MALT1: variants seen among roughly 807,000 people sequenced by gnomAD.
MALT1 encodes mucosa-associated lymphoid tissue lymphoma translocation protein 1.
In MALT1, 36 loss-of-function variants were observed where a neutral mutation model predicts 85.5. The ratio of observed to expected loss-of-function variants is 0.42; its 90% CI spans 0.32 to 0.56. MALT1 has a LOEUF of 0.56. Among genes scored for constraint, MALT1 ranks in the 20% least tolerant of loss-of-function variants. The probability of loss-of-function intolerance (pLI) is 0.10; values close to 1 mark genes in which losing one functional copy is unlikely to be tolerated. For synonymous variants in MALT1, 359 were observed against 361.3 expected (o/e 0.99, Z 0.07); for missense variants, 716 against 981.6 (o/e 0.73, Z 3.62).
chr18:58,726,648 A>G (rs1331735698), intron 10 of MALT1, among the ~76,000 whole-genome samples: 1 of 152,272 alleles, frequency 6.6e-6, no homozygotes, highest in East Asian at 1.9e-4. Flanking sequence ...AAAACCAGAA[A>G]TAACTGTCCT....
intron 10 of MALT1, among the ~76,000 whole-genome samples, chr18:58,726,934 C>G (rs2055063481): frequency 2.6e-5 from 4 of 152,212 alleles, no homozygotes. Context: ...CTTAGCATAG[C>G]TAGCCTGGGT....
At chr18:58,679,314 G>T (rs1237302360) in intron 1 of MALT1, among the ~76,000 whole-genome samples, 1 of 152,244 alleles carries the variant, frequency 6.6e-6, no homozygotes, top group Non-Finnish European at 1.5e-5. Context: ...TAAAGGAAGG[G>T]TTAGCAAACT....
At chr18:58,728,727 C>T (rs1327723731) in intron 10 of MALT1, among the ~76,000 whole-genome samples, 1 of 152,178 alleles carries the variant, frequency 6.6e-6, no homozygotes, top group Non-Finnish European at 1.5e-5. Flanking sequence ...TTACACTTTT[C>T]GTAAGACATT....
At chr18:58,726,010 A>C (rs977334493) in intron 10 of MALT1, among the ~76,000 whole-genome samples, 2 of 152,138 alleles carry the variant, frequency 1.3e-5, no homozygotes, top group Non-Finnish European at 2.9e-5. Context: ...GCAGTGAGCC[A>C]AGATCATGCC....
At chr18:58,746,056 C>T (rs1322085205) in intron 16 of MALT1, among the ~76,000 whole-genome samples, 3 of 152,114 alleles carry the variant, frequency 2.0e-5, no homozygotes, top group African/African-American at 7.2e-5. Flanking sequence ...TTAACTCTGT[C>T]ACCCAGGCTG....
intron 9 of MALT1, 106 bp downstream of exon 9, chr18:58,716,073 T>G (rs1471213330): frequency 1.8e-5 from 14 of 787,624 alleles, no homozygotes; most frequent in South Asian, 5.1e-5. Flanking sequence ...GTGAATAACA[T>G]TGGGACCAAA....
At chr18:58,691,798 G>A (rs1031798723) in intron 2 of MALT1, among the ~76,000 whole-genome samples, 39 of 152,030 alleles carry the variant, frequency 2.6e-4, no homozygotes, top group African/African-American at 8.9e-4. Flanking sequence ...GCATGAACCC[G>A]GGAGGCGGAG....
chr18:58,681,031 A>G (rs2054314944), intron 1 of MALT1, 139 bp from the exon 2 acceptor site: 3 of 572,456 alleles, frequency 5.2e-6, no homozygotes, highest in South Asian at 6.1e-5. Context: ...GGATACTCGC[A>G]TTCATTATGT....
At position 58,729,639 on chromosome 18, in the gene MALT1, T is replaced by C. The variant is rs1178586641; in HGVS notation, c.1223-3758T>C. Among the ~76,000 whole-genome samples the C allele has an allele frequency of 3.3e-5, 5 of 152,194 alleles. No homozygotes were observed. The East Asian group carries it at 9.7e-4, about 29-fold the overall frequency. ...CTCATCTATAAAATAAGGGCAGAAA[T>C]CACTTAAAGTTGTTATATGGATTAA... On this transcript the variant is annotated intron_variant, in intron 10 of 16. Coordinates refer to ENST00000649217, the MANE Select transcript of MALT1 (RefSeq NM_006785.4).
chr18:58,711,592 A>G (rs1406985190), intron 7 of MALT1, among the ~76,000 whole-genome samples: 1 of 152,190 alleles, frequency 6.6e-6, no homozygotes, highest in Non-Finnish European at 1.5e-5. Flanking sequence ...TTGTACTTAA[A>G]TTGTAATGAG....
chr18:58,684,357 A>C (rs1013187866), intron 2 of MALT1, among the ~76,000 whole-genome samples: 2 of 152,034 alleles, frequency 1.3e-5, no homozygotes, highest in Non-Finnish European at 2.9e-5. Context: ...TTGAGATCTA[A>C]TAAAGCTCAG....
chr18:58,686,912 A>G (rs1456781336), intron 2 of MALT1, among the ~76,000 whole-genome samples: 1 of 152,236 alleles, frequency 6.6e-6, no homozygotes, highest in African/African-American at 2.4e-5. Context: ...TGAGATTTCC[A>G]AAAGTGATCA....
chr18:58,712,588 A>T (rs2054845440), intron 7 of MALT1, among the ~76,000 whole-genome samples: 1 of 152,148 alleles, frequency 6.6e-6, no homozygotes, highest in African/African-American at 2.4e-5. Context: ...ACAGACCTGC[A>T]GTTAGAAGGA....
Position 58,719,503 on chromosome 18 carries a change from G to A in MALT1, c.1018+3536G>A, listed in dbSNP as rs113459957. Among the ~76,000 whole-genome samples the A allele has an allele frequency of 7.2e-3, 1,092 of 151,968 alleles. 15 individuals are homozygous for A. The highest frequency in any genetic ancestry group is 0.025 in the African/African-American group (1,037 of 41,408). Reference sequence around the variant, plus strand: ...TCCATGTAGCTGTTTTCTTTATGTCGGGCTGGATCTCCAAAGTGGAAACTG... The same window carrying A: ...TCCATGTAGCTGTTTTCTTTATGTCAGGCTGGATCTCCAAAGTGGAAACTG... On this transcript the variant is annotated intron_variant, in intron 9 of 16. Transcript: ENST00000649217.
intron 10 of MALT1, among the ~76,000 whole-genome samples, chr18:58,727,297 T>C (rs2055069699): frequency 6.6e-6 from 1 of 151,426 alleles, no homozygotes; most frequent in Admixed American, 6.6e-5. Context: ...TGGTTTTGGG[T>C]TTTTGTTTGT....
intron 2 of MALT1, among the ~76,000 whole-genome samples, chr18:58,692,873 G>A (rs1316220762): frequency 6.6e-6 from 1 of 152,172 alleles, no homozygotes; most frequent in East Asian, 1.9e-4. Context: ...CAGCCTTATT[G>A]CTGAGATGGA....
intron 14 of MALT1, among the ~76,000 whole-genome samples, chr18:58,743,985 A>G (rs893707208): frequency 6.6e-6 from 1 of 151,820 alleles, no homozygotes; most frequent in Non-Finnish European, 1.5e-5. Context: ...GAGTTAACAG[A>G]ATGGTTAAAG....
rs2054162134 is a variant in MALT1, at chr18:58,671,659, G to A, written c.16G>A (p.Asp6Asn). The change falls in exon 1 of 17, where the codon GAC becomes AAC. Residue 6 changes from aspartate to asparagine, a missense_variant. By Grantham distance (23) the Asp-to-Asn change is conservative (BLOSUM62 1). Transcript: ENST00000649217. MSLLG[D>N]PLQALPPSAA... ...GGCGAGGGCCATGTCGCTGTTGGGGGACCCGCTACAGGCCCTGCCGCCCTC... is the reference window on the plus strand; with the variant it reads ...GGCGAGGGCCATGTCGCTGTTGGGGAACCCGCTACAGGCCCTGCCGCCCTC... 3 of 1,220,082 alleles carry A rather than the reference G, an allele frequency of 2.5e-6. No individual in the cohort carries two copies. The highest frequency in any genetic ancestry group is 3.1e-6 in the Non-Finnish European group (3 of 980,524). The allele number at this position is 1,220,082 out of a possible 1,614,324, so 75.6% of individuals were successfully genotyped here. A position where few individuals can be genotyped will look rare whatever the true frequency, so the allele number is the denominator to read the frequency against.
chr18:58,687,397 A>AC, intron 2 of MALT1, among the ~76,000 whole-genome samples: 1 of 152,334 alleles, frequency 6.6e-6, no homozygotes, highest in African/African-American at 2.4e-5. Flanking sequence ...ACAGATTTCA[A>AC]TTGACATGTA....
Sources: gnomAD v4.1 joint callset for allele counts (sites outside exome capture counted in the v4.1 genomes callset) on GRCh38, gnomAD v4.1.1 for gene constraint, MANE v1.5 for transcripts, NCBI Gene and HGNC (gene_info 2026-07-23, HGNC 2026-07-21) for gene names.